The following TOP3B variants were observed in gnomAD, a reference collection of about 807,000 sequenced individuals.
TOP3B encodes the protein DNA topoisomerase III beta, also known as DNA topoisomerase 3-beta-1.
Under a neutral mutation model 93.9 loss-of-function variants are expected in TOP3B, and 45 were observed. The observed-to-expected ratio is 0.48, with a 90% CI of 0.38 to 0.61. The LOEUF (loss-of-function observed/expected upper bound fraction) is 0.61. Ranked by LOEUF, TOP3B falls within the 20% of genes least tolerant of loss-of-function variation. TOP3B has a pLI of 0.00. For missense variants in TOP3B, 750 were observed against 1,156.1 expected, an observed-to-expected ratio of 0.65 and a Z score of 5.09; for synonymous variants, 357 against 472.6, an observed-to-expected ratio of 0.76 and a Z score of 3.17.
rs1843923167 is a variant in TOP3B, at chr22:21,965,388, A to G, written c.853-13T>C. The G allele has an allele frequency of 6.4e-7, 1 of 1,564,438 alleles. No individual in the cohort carries two copies. Among genetic ancestry groups the G allele is most frequent in the Non-Finnish European group, 8.7e-7 (1 of 1,143,450 alleles). On this transcript the variant is annotated splice_polypyrimidine_tract_variant and intron_variant, in intron 8 of 17. Transcript: ENST00000357179. The stretch of plus-strand genomic sequence containing the variant: ...TTGTGGCCTCCACCTGGAAGACAGG[A>G]CAGTCAATGATTTGGGGAAGGAGGA...
Position 21,963,851 on chromosome 22 carries a change from C to T in TOP3B, c.1204+72G>A. On this transcript the variant is annotated intron_variant, in intron 11 of 17. Transcript: ENST00000357179. This position sits in a 1 kb window ranked among gnomAD's most constrained non-coding sequence, Gnocchi z 4.8. Reference sequence around the variant, plus strand: ...AGGAGCCCCCACATTGCCAACAGGGCCTGCAACCTTCACTGTCGCAGCTCG... The same window carrying T: ...AGGAGCCCCCACATTGCCAACAGGGTCTGCAACCTTCACTGTCGCAGCTCG... 1 of 1,520,186 alleles carries T rather than the reference C, an allele frequency of 6.6e-7. No individual in the cohort carries two copies. Among genetic ancestry groups the T allele is most frequent in the Non-Finnish European group, 9.1e-7 (1 of 1,103,230 alleles). The allele number at this position is 1,520,186 out of a possible 1,614,324, so 94.2% of individuals were successfully genotyped here. A position where few individuals can be genotyped will look rare whatever the true frequency, so the allele number is the denominator to read the frequency against.
At chr22:21,977,447 C>T (rs2266979) in intron 1 of TOP3B, 64,066 of 149,472 alleles carry the variant, frequency 0.43, 13,764 homozygotes, top group Middle Eastern at 0.48. Context: ...GAGAATCGCT[C>T]GAACTCAGGA....
rs2071569886 is a variant in TOP3B, at chr22:21,970,021, T to C, written c.581+189A>G. The C allele has an allele frequency of 1.7e-6, 1 of 588,218 alleles. No individual in the cohort carries two copies. Among genetic ancestry groups the C allele is most frequent in the Admixed American group, 3.0e-5 (1 of 33,176 alleles). 36.4% of individuals were successfully genotyped at this position (588,218 alleles called of 1,614,324 possible). On this transcript the variant is annotated intron_variant, in intron 6 of 17. Transcript: ENST00000357179. This position sits in a 1 kb window ranked among gnomAD's most constrained non-coding sequence, Gnocchi z 4.4. ...CCAACCTCAAGCAATCCTCCTATCC[T>C]GGTCTCCCAAAGTGCAGGGATTACA...
chr22:21,959,874 C>G, intron 14 of TOP3B, 138 bp from the exon 15 acceptor site: 1 of 1,186,318 alleles, frequency 8.4e-7, no homozygotes, highest in Non-Finnish European at 1.2e-6. Context: ...ACCCACCAGT[C>G]CACAGCCTCA....
Position 21,965,325 on chromosome 22 carries a change from C to G in TOP3B, c.903G>C (p.Leu301=). The change falls in exon 9 of 18, where the codon CTG becomes CTC. Residue 301 remains leucine, a synonymous_variant. Coordinates refer to ENST00000357179, the MANE Select transcript of TOP3B (RefSeq NM_001282112.2). The part of the protein sequence containing the change: ...KEKAKQRPLA[L]NTVEMLRVAS... ...CCACACGCAGCATCTCCACAGTGTT[C>G]AGGGCCAGGGGCCTCTGCTTGGCCT... is the stretch of plus-strand genomic sequence containing the variant. 6.2e-7 allele frequency: 1 copy of G among 1,609,590 alleles called. No individual in the cohort carries two copies.
intron 8 of TOP3B, chr22:21,966,497 A>G (rs1248954050): frequency 1.3e-5 from 2 of 152,174 alleles, no homozygotes; most frequent in African/African-American, 4.8e-5. Context: ...ATTTTTCAAG[A>G]GAAGCTAGAA....
At chr22:21,972,135 G>T in intron 4 of TOP3B, 184 bp from the exon 5 acceptor site, 1 of 552,414 alleles carries the variant, frequency 1.8e-6, no homozygotes, top group Non-Finnish European at 3.2e-6. Flanking sequence ...AAAGAATTGA[G>T]TTTATAATTG....
Position 21,970,548 on chromosome 22 carries a change from C to A in TOP3B, c.385-142G>T, listed in dbSNP as rs1280002318. ...CTGCCCCTGCCAGACCCTCCTCTAT[C>A]CCCTTTCCTGCACCTGCCAGACCCT... On this transcript the variant is annotated intron_variant, in intron 5 of 17. Coordinates refer to ENST00000357179, the MANE Select transcript of TOP3B (RefSeq NM_001282112.2). The surrounding 1 kb of genome is among the most constrained non-coding windows in gnomAD (Gnocchi z 4.4). 1.2e-6 allele frequency: 1 copy of A among 854,986 alleles called. No homozygotes were observed. The highest frequency in any genetic ancestry group is 2.7e-5 in the East Asian group (1 of 37,548). The allele number at this position is 854,986 out of a possible 1,614,324, so 53.0% of individuals were successfully genotyped here. A position where few individuals can be genotyped will look rare whatever the true frequency, so the allele number is the denominator to read the frequency against.
rs1010107376 is a variant in TOP3B, at chr22:21,963,543, C to T, written c.1204+380G>A. 6 of 251,720 alleles carry T rather than the reference C, an allele frequency of 2.4e-5. No individual in the cohort carries two copies. The allele number at this position is 251,720 out of a possible 1,614,324, so 15.6% of individuals were successfully genotyped here. A position where few individuals can be genotyped will look rare whatever the true frequency, so the allele number is the denominator to read the frequency against. On this transcript the variant is annotated intron_variant, in intron 11 of 17. Transcript: ENST00000357179. The surrounding 1 kb of genome is among the most constrained non-coding windows in gnomAD (Gnocchi z 4.8). ...AAACTCAGACTGTCCACAGGTGGCT[C>T]CTGTCTCTACCTGCACTGCTCTCCC...
chr22:21,968,581 C>A (rs1364959383), intron 7 of TOP3B, 38 bp downstream of exon 7: 2 of 1,609,520 alleles, frequency 1.2e-6, no homozygotes. Context: ...TGCCCCAAAC[C>A]CAGAAAGCCC....
At position 21,971,927 on chromosome 22, in the gene TOP3B, T is replaced by C; in HGVS notation, c.334A>G (p.Ile112Val). The change falls in exon 5 of 18, where the codon ATC becomes GTC. Residue 112 changes from isoleucine to valine, a missense_variant. Transcript: ENST00000357179. The surrounding 1 kb of genome is among the most constrained non-coding windows in gnomAD (Gnocchi z 4.6). ...TTGTCGCAGTCCAGCCACAGCACGA[T>C]GTAGTCGCAGCCTCTGCCCTCCACC... The part of the protein sequence containing the change: ...LQVEGRGCDY[I>V]VLWLDCDKEG... The C allele has an allele frequency of 1.2e-6, 2 of 1,613,720 alleles. No homozygotes were observed. Among genetic ancestry groups the C allele is most frequent in the Non-Finnish European group, 1.7e-6 (2 of 1,179,944 alleles).
intron 8 of TOP3B, 34 bp downstream of exon 8, chr22:21,967,569 G>A: frequency 1.9e-6 from 3 of 1,577,842 alleles, no homozygotes; most frequent in Non-Finnish European, 2.6e-6. Flanking sequence ...CTCACCCAAG[G>A]CAACTGTGAT....
At chr22:21,960,773 A>G (rs1393770332) in intron 13 of TOP3B, 2 of 309,476 alleles carry the variant, frequency 6.5e-6, no homozygotes, top group Non-Finnish European at 1.3e-5. Flanking sequence ...TGTGACTTCT[A>G]TGGCTTCTCC....
rs142196057 is a variant in TOP3B at position 21,958,507 on chromosome 22, G to C, written c.2092C>G (p.Arg698Gly). Reference sequence around the variant, plus strand: ...CTGCACTCACCTTTCTTCATGTCTCGGAAGGGTGGGTGGTTGTAGCAGTAG... The same window carrying C: ...CTGCACTCACCTTTCTTCATGTCTCCGAAGGGTGGGTGGTTGTAGCAGTAG... ...CPYCYNHPPFRDMKKGMGCNE... is the reference protein window; with the variant it reads ...CPYCYNHPPFGDMKKGMGCNE... Residue 698 changes from arginine (R) to glycine (G), a missense_variant, in exon 17 of 18, where the codon CGA (arginine) becomes GGA (glycine). Physicochemically the swap from Arg to Gly is moderately radical, Grantham distance 125 (BLOSUM62 -2). This residue lies in a region of TOP3B where 737 missense variants were observed against 933.7 expected (regional missense o/e 0.79). Transcript: ENST00000357179. The C allele has an allele frequency of 4.3e-6, 7 of 1,614,046 alleles. No individual in the cohort carries two copies. Among genetic ancestry groups the C allele is most frequent in the Admixed American group, 3.3e-5 (2 of 60,024 alleles).
intron 15 of TOP3B, 93 bp downstream of exon 15, chr22:21,959,493 GC>G (rs1189430283): frequency 6.6e-7 from 1 of 1,519,838 alleles, no homozygotes; most frequent in African/African-American, 1.4e-5. Context: ...AGATCTGGGA[GC>G]TGGTCCCACG....
In TOP3B at chr22:21,963,971, C is replaced by T; in HGVS notation, c.1156G>A (p.Asp386Asn). 1 of 1,613,054 alleles carries T rather than the reference C, an allele frequency of 6.2e-7. No individual in the cohort carries two copies. Among genetic ancestry groups the T allele is most frequent in the Non-Finnish European group, 8.5e-7 (1 of 1,179,794 alleles). The part of the protein sequence containing the change: ...NRPRKGHDAG[D>N]HPPITPMKSA... ...TTCATGGGGGTGATGGGGGGATGGTCGCCGGCGTCATGGCCTTTCCGCGGG... is the reference window on the plus strand; with the variant it reads ...TTCATGGGGGTGATGGGGGGATGGTTGCCGGCGTCATGGCCTTTCCGCGGG... Residue 386 changes from aspartate to asparagine, a missense_variant, in exon 11 of 18, where the codon GAC (aspartate) becomes AAC (asparagine). Asp to Asn is a conservative substitution (Grantham distance 23). Transcript: ENST00000357179. This position sits in a 1 kb window ranked among gnomAD's most constrained non-coding sequence, Gnocchi z 4.8.
chr22:21,980,960 T>C (rs541645904), intron 1 of TOP3B, among the ~76,000 whole-genome samples: 27 of 152,336 alleles, frequency 1.8e-4, no homozygotes, highest in African/African-American at 6.5e-4. Flanking sequence ...TGGGGAAGTT[T>C]TGATTCTACC....
chr22:21,976,616 G>A (rs937695535), intron 1 of TOP3B: 1 of 152,134 alleles, frequency 6.6e-6, no homozygotes, highest in African/African-American at 2.4e-5. Context: ...CTTGGGCTAG[G>A]TCTCCATTCC....
chr22:21,972,904 C>T lies in TOP3B; in HGVS notation c.203-186G>A, dbSNP rs2071702474. 1.1e-4 allele frequency: 67 copies of T among 591,836 alleles called. 1 individual carries two copies. In the South Asian group the frequency reaches 1.2e-3, roughly 11 times the overall value. 36.7% of individuals were successfully genotyped at this position (591,836 alleles called of 1,614,324 possible). A position where few individuals can be genotyped will look rare whatever the true frequency, so the allele number is the denominator to read the frequency against. ...GGGTTCAGGCCTTTGGTAACCCCCT[C>T]CCATCCAGCCTCCTTTCTGCTCGGC... is the stretch of plus-strand genomic sequence containing the variant. On this transcript the variant is annotated intron_variant, in intron 3 of 17. Coordinates refer to ENST00000357179, the MANE Select transcript of TOP3B (RefSeq NM_001282112.2).
Sources: allele counts gnomAD v4.1 joint callset (sites outside exome capture counted in the v4.1 genomes callset), GRCh38; gene constraint gnomAD v4.1.1; regional missense constraint gnomAD v4.1.1; non-coding constraint Gnocchi (gnomAD v3.1); transcripts MANE v1.5; gene names NCBI Gene and HGNC (gene_info 2026-07-23, HGNC 2026-07-21).